The following CAPS2 variants were observed in gnomAD, a reference collection of about 807,000 sequenced individuals.
The protein encoded by CAPS2 is calcyphosin-2.
Under a neutral mutation model 86.5 loss-of-function variants are expected in CAPS2, and 98 were observed. That is an observed-to-expected ratio of 1.13 (90% CI 0.96 to 1.34). CAPS2 has a LOEUF of 1.34. CAPS2 is among the 40% of genes most tolerant of loss of function. CAPS2 has a pLI of 0.00. For missense variants in CAPS2, 729 were observed against 686.8 expected, an observed-to-expected ratio of 1.06 and a Z score of -0.69; for synonymous variants, 210 against 225.1, an observed-to-expected ratio of 0.93 and a Z score of 0.60.
At chr12:75,288,880 C>T (rs2035360083) in intron 14 of CAPS2, among the ~76,000 whole-genome samples, 1 of 151,858 alleles carries the variant, frequency 6.6e-6, no homozygotes, top group Non-Finnish European at 1.5e-5. Flanking sequence ...TACAAAGTGG[C>T]ATGAAAAAAA....
At chr12:75,289,584 ATAT>A (rs746116728) in intron 14 of CAPS2, 34 bp downstream of exon 14, 13 of 1,566,940 alleles carry the variant, frequency 8.3e-6, no homozygotes, top group African/African-American at 8.2e-5. Context: ...TAAGAATAAC[ATAT>A]TATCTGCTGC....
intron 7 of CAPS2, chr12:75,305,729 A>G (rs1167780170): frequency 1.5e-6 from 1 of 688,182 alleles, no homozygotes; most frequent in African/African-American, 1.8e-5. Context: ...CGTGTGGTAC[A>G]TGCGGGTCAA....
At chr12:75,370,085 A>C in intron 1 of CAPS2, 1 of 1,593,392 alleles carries the variant, frequency 6.3e-7, no homozygotes, top group Non-Finnish European at 8.6e-7. Flanking sequence ...TTTTTGACAG[A>C]AAATCCATTT....
At chr12:75,325,174 A>T in intron 2 of CAPS2, 65 bp downstream of exon 3, 2 of 1,407,364 alleles carry the variant, frequency 1.4e-6, no homozygotes, top group Non-Finnish European at 1.9e-6. Context: ...TTTGTTTTTT[A>T]ACTAGTCAAT....
At chr12:75,331,131 C>T (rs948296381), upstream of CAPS2, among the ~76,000 whole-genome samples, 2 of 152,140 alleles carry the variant, frequency 1.3e-5, no homozygotes, top group South Asian at 2.1e-4. Context: ...GGCATCAACT[C>T]CTCATCTATA....
intron 4 of CAPS2, among the ~76,000 whole-genome samples, chr12:75,322,544 T>C (rs2040402662): frequency 6.6e-6 from 1 of 152,168 alleles, no homozygotes; most frequent in Non-Finnish European, 1.5e-5. Context: ...CCTATACTAG[T>C]CAGAATCTAT....
intron 1 of CAPS2, chr12:75,366,770 T>G (rs758382800): frequency 1.3e-4 from 88 of 665,376 alleles, no homozygotes; most frequent in Middle Eastern, 7.9e-4. Context: ...CACGCTCTTA[T>G]GTGTCTCAGT....
chr12:75,299,507 TTAAA>T (rs2037451463), intron 9 of CAPS2, among the ~76,000 whole-genome samples: 1 of 152,092 alleles, frequency 6.6e-6, no homozygotes, highest in Non-Finnish European at 1.5e-5. Flanking sequence ...TAAGATAAAA[TTAAA>T]TAAAGCAGCT....
chr12:75,363,146 GCT>G (rs748155915), intron 1 of CAPS2: 33 of 1,553,834 alleles, frequency 2.1e-5, no homozygotes, highest in African/African-American at 2.8e-5. Flanking sequence ...GGAGAATCTT[GCT>G]CTCTCTGCTC....
chr12:75,323,148 T>C, intron 3 of CAPS2, 29 bp downstream of exon 4: 1 of 1,505,832 alleles, frequency 6.6e-7, no homozygotes. Flanking sequence ...TTTTAATGTT[T>C]ATTATATTAA....
downstream of CAPS2, chr12:75,276,986 G>A: frequency 1.0e-6 from 1 of 984,564 alleles, no homozygotes; most frequent in Non-Finnish European, 1.2e-6. Flanking sequence ...CTAAATAACA[G>A]ATTTTACTAT....
intron 11 of CAPS2, among the ~76,000 whole-genome samples, chr12:75,297,822 T>G (rs574205228): frequency 3.7e-4 from 57 of 152,180 alleles, no homozygotes; most frequent in Non-Finnish European, 7.1e-4. Flanking sequence ...CTTCTCCACC[T>G]GGAAGCTTTT....
At chr12:75,287,450 C>CA (rs921306537) in intron 14 of CAPS2, among the ~76,000 whole-genome samples, 10 of 152,102 alleles carry the variant, frequency 6.6e-5, no homozygotes, top group Admixed American at 5.9e-4. Flanking sequence ...AGAGTCAGAA[C>CA]AGGCATTCCT....
upstream of CAPS2, chr12:75,334,924 G>C: frequency 1.2e-6 from 2 of 1,606,774 alleles, no homozygotes; most frequent in Non-Finnish European, 1.7e-6. Context: ...CCAGGGCTGG[G>C]CTCTTAAATC....
chr12:75,316,409 G>A, exon 6 of CAPS2: 1 of 1,550,248 alleles, frequency 6.5e-7, no homozygotes, highest in South Asian at 1.2e-5. Context: ...AAGGTCATCT[G>A]TGTTGGCTTC....
chr12:75,333,756 C>G (rs111356592), upstream of CAPS2: 3 of 151,902 alleles, frequency 2.0e-5, no homozygotes, highest in Non-Finnish European at 2.9e-5. Flanking sequence ...GATGTAAGTA[C>G]GTGTTCACTT....
chr12:75,300,347 G>C (rs1315384570), intron 8 of CAPS2, among the ~76,000 whole-genome samples: 1 of 151,794 alleles, frequency 6.6e-6, no homozygotes, highest in Non-Finnish European at 1.5e-5. Flanking sequence ...ACGAGGTCAG[G>C]AGATCGAGAC....
At chr12:75,346,006 A>C (rs754974484) in intron 1 of CAPS2, among the ~76,000 whole-genome samples, 6 of 152,154 alleles carry the variant, frequency 3.9e-5, no homozygotes, top group Non-Finnish European at 7.4e-5. Context: ...AATAAGGGAA[A>C]ATTTTCTTGC....
intron 8 of CAPS2, among the ~76,000 whole-genome samples, chr12:75,301,333 G>A (rs1025789401): frequency 6.6e-6 from 1 of 152,200 alleles, no homozygotes; most frequent in Non-Finnish European, 1.5e-5. Flanking sequence ...AACAGGAAAC[G>A]TGAGCCTGCA....
Sources: allele counts gnomAD v4.1 joint callset (sites outside exome capture counted in the v4.1 genomes callset), GRCh38; gene constraint gnomAD v4.1.1; transcripts MANE v1.5; gene names NCBI Gene and HGNC (gene_info 2026-07-23, HGNC 2026-07-21).